Variants in NFIC observed in about 807,000 individuals in gnomAD.
The protein encoded by NFIC is nuclear factor I C, also known as nuclear factor 1 C-type.
A neutral mutation model predicts 54.4 loss-of-function variants in NFIC; 12 were observed. The ratio of observed to expected loss-of-function variants is 0.22; its 90% CI spans 0.14 to 0.36. The LOEUF (loss-of-function observed/expected upper bound fraction) is 0.36. Among genes scored for constraint, NFIC ranks in the 10% least tolerant of loss-of-function variants. The pLI is 1.00. For missense variants in NFIC, 575 were observed against 718.2 expected, an observed-to-expected ratio of 0.80 and a Z score of 2.28; for synonymous variants, 322 against 319.2, an observed-to-expected ratio of 1.01 and a Z score of -0.09.
Position 3,390,744 on chromosome 19 carries a change from C to T in NFIC, c.562+8501C>T, listed in dbSNP as rs566439828. Among the ~76,000 whole-genome samples the T allele has an allele frequency of 5.3e-4, 80 of 152,056 alleles. 1 individual carries two copies. In the South Asian group the frequency reaches 0.016, roughly 31 times the overall value. On this transcript the variant is annotated intron_variant, in intron 2 of 10. Transcript: ENST00000443272. ...ATGTGGATGCATCTTGAGGATGTCA[C>T]ACTCAGTAAAATAAGCCAGACACAG...
intron 6 of NFIC, among the ~76,000 whole-genome samples, chr19:3,444,549 G>GT (rs1309706973): frequency 1.8e-4 from 27 of 152,044 alleles, no homozygotes; most frequent in Non-Finnish European, 4.0e-4. Context: ...TGCCGGGAGC[G>GT]TGCCGGCTTA....
At position 3,394,087 on chromosome 19, in the gene NFIC, C is replaced by T. The variant is rs1345972563; in HGVS notation, c.562+11844C>T. Among the ~76,000 whole-genome samples, 6 of 151,716 alleles carry T rather than the reference C, an allele frequency of 4.0e-5. No homozygotes were observed. In the East Asian group the frequency reaches 1.0e-3, roughly 25 times the overall value. On this transcript the variant is annotated intron_variant, in intron 2 of 10. Coordinates refer to ENST00000443272, the MANE Select transcript of NFIC (RefSeq NM_001245002.2). ...CCTCCCGAGTAGCTGCCTCAGCTTC[C>T]CGAGTAGTAACATTAAAATGTTTAA...
chr19:3,372,965 T>C (rs1052364281), intron 1 of NFIC, among the ~76,000 whole-genome samples: 4 of 152,038 alleles, frequency 2.6e-5, no homozygotes, highest in Non-Finnish European at 1.5e-5. Flanking sequence ...CCGCCTCAGC[T>C]TCCCAAGTAG....
chr19:3,374,908 CTGTT>C (rs552981486), intron 1 of NFIC, among the ~76,000 whole-genome samples: 1 of 152,288 alleles, frequency 6.6e-6, no homozygotes, highest in African/African-American at 2.4e-5. Flanking sequence ...CAGTTACAAG[CTGTT>C]TGTCTTCCTG....
In NFIC at chr19:3,375,560, G is replaced by A. The variant is rs377287684; in HGVS notation, c.31-6152G>A. 4.6e-5 allele frequency among the ~76,000 whole-genome samples: 7 copies of A among 152,346 alleles called. 1 individual carries two copies. Among genetic ancestry groups the A allele is most frequent in the African/African-American group, 1.7e-4 (7 of 41,590 alleles). On this transcript the variant is annotated intron_variant, in intron 1 of 10. Transcript: ENST00000443272. This position sits in a 1 kb window ranked among gnomAD's most constrained non-coding sequence, Gnocchi z 4.6. ...TCCCCTTTGCCTTAGCAGGTTGGCT[G>A]GGGAAGCGGGGGCAGCGGAAAAGGG... is the stretch of plus-strand genomic sequence containing the variant.
chr19:3,405,580 TATTTA>T (rs1048756088), intron 2 of NFIC, among the ~76,000 whole-genome samples: 40 of 152,190 alleles, frequency 2.6e-4, no homozygotes, highest in African/African-American at 9.1e-4. Flanking sequence ...TTTCTATTTT[TATTTA>T]ATTTAATTTA....
Position 3,369,923 on chromosome 19 carries a change from A to G in NFIC, c.30+3257A>G, listed in dbSNP as rs545975476. Among the ~76,000 whole-genome samples, 32 of 152,148 alleles carry G rather than the reference A, an allele frequency of 2.1e-4. No individual in the cohort carries two copies. The highest frequency in any genetic ancestry group is 5.3e-4 in the African/African-American group (22 of 41,504). On this transcript the variant is annotated intron_variant, in intron 1 of 10. Coordinates refer to ENST00000443272, the MANE Select transcript of NFIC (RefSeq NM_001245002.2). This position sits in a 1 kb window ranked among gnomAD's most constrained non-coding sequence, Gnocchi z 4.3. ...TCGTCCCATGCCCTCTCGGAGCACA[A>G]TGTGCTTTGCTGCCATTTCTCCAGC...
chr19:3,390,875 G>A (rs2081367128), intron 2 of NFIC, among the ~76,000 whole-genome samples: 1 of 152,006 alleles, frequency 6.6e-6, no homozygotes, highest in South Asian at 2.1e-4. Context: ...GAGGGGGCTG[G>A]GGAGAGAATG....
chr19:3,429,911 C>T (rs951782035), intron 3 of NFIC, among the ~76,000 whole-genome samples: 2 of 152,192 alleles, frequency 1.3e-5, no homozygotes, highest in African/African-American at 4.8e-5. Flanking sequence ...AGCCAACAGT[C>T]ACGGGGCGGT....
rs566623409 is a variant in NFIC at position 3,467,788 on chromosome 19, T to TACATATATATATATATATATATATAA, written c.*5020_*5021insCATATATATATATATATATATATAAA. Reference sequence around the variant, plus strand: ...ATATATATATATATATATATATATATAATTTTGGAATTTGTTTCTCATAAT... The same window carrying TACATATATATATATATATATATATAA: ...ATATATATATATATATATATATATATACATATATATATATATATATATATAAAATTTTGGAATTTGTTTCTCATAAT... On this transcript the variant is annotated 3_prime_UTR_variant, in exon 11 of 11. Coordinates refer to ENST00000443272, the MANE Select transcript of NFIC (RefSeq NM_001245002.2). 10 of 136,798 alleles carry TACATATATATATATATATATATATAA rather than the reference T, an allele frequency of 7.3e-5. No homozygotes were observed. The South Asian group carries it at 1.8e-3, about 25-fold the overall frequency. The allele number at this position is 136,798 out of a possible 1,614,324, so 8.5% of individuals were successfully genotyped here.
At chr19:3,406,241 C>T (rs761035758) in intron 2 of NFIC, among the ~76,000 whole-genome samples, 3 of 152,094 alleles carry the variant, frequency 2.0e-5, no homozygotes, top group African/African-American at 2.4e-5. Flanking sequence ...TACAGGCACC[C>T]GCCACGATGC....
At chr19:3,398,550 A>C (rs2081501410) in intron 2 of NFIC, among the ~76,000 whole-genome samples, 1 of 151,758 alleles carries the variant, frequency 6.6e-6, no homozygotes, top group Non-Finnish European at 1.5e-5. Context: ...GGAAACCATC[A>C]CCTTCTTCTG....
At chr19:3,382,610 G>A (rs966678693) in intron 2 of NFIC, among the ~76,000 whole-genome samples, 1 of 152,010 alleles carries the variant, frequency 6.6e-6, no homozygotes, top group Non-Finnish European at 1.5e-5. Context: ...GTGACATGGT[G>A]CAAGGAGGGT....
chr19:3,460,505 T>G (rs7260520), intron 10 of NFIC, among the ~76,000 whole-genome samples: 2,604 of 149,052 alleles, frequency 0.017, 60 homozygotes, highest in African/African-American at 0.059. Context: ...TTTTTTTTTG[T>G]TTTTTTTTGG....
At position 3,466,905 on chromosome 19, in the gene NFIC, G is replaced by T. The variant is rs1450090060; in HGVS notation, c.*4136G>T. 6.6e-6 allele frequency: 1 copy of T among 152,104 alleles called. No individual in the cohort carries two copies. The highest frequency in any genetic ancestry group is 2.4e-5 in the African/African-American group (1 of 41,402). 9.4% of individuals were successfully genotyped at this position (152,104 alleles called of 1,614,324 possible). On this transcript the variant is annotated 3_prime_UTR_variant, in exon 11 of 11. Transcript: ENST00000443272. This position sits in a 1 kb window ranked among gnomAD's most constrained non-coding sequence, Gnocchi z 4.8. ...AGCCCATACCAGGCAGCATGTTGTG[G>T]ATGGTTTAGTTCTCCCCGCCTCCCT...
At chr19:3,371,988 C>CTCTCTCTCTCT (rs2081025576) in intron 1 of NFIC, among the ~76,000 whole-genome samples, 1 of 27,412 alleles carries the variant, frequency 3.6e-5, no homozygotes, top group Non-Finnish European at 6.4e-5. Context: ...TCTCTCTCTC[C>CTCTCTCTCTCT]CTCTCTCTCC....
intron 2 of NFIC, among the ~76,000 whole-genome samples, chr19:3,392,474 G>A (rs1014743975): frequency 2.6e-5 from 4 of 152,222 alleles, no homozygotes; most frequent in African/African-American, 4.8e-5. Context: ...CCCCGCAGAC[G>A]CCCCTACCCA....
upstream of NFIC, among the ~76,000 whole-genome samples, chr19:3,365,407 G>A (rs751840654): frequency 5.9e-5 from 9 of 152,304 alleles, no homozygotes; most frequent in Non-Finnish European, 8.8e-5. Flanking sequence ...CACTTTATAG[G>A]GGAGAACCCT....
intron 6 of NFIC, among the ~76,000 whole-genome samples, chr19:3,447,719 G>A (rs1430792281): frequency 6.6e-6 from 1 of 152,178 alleles, no homozygotes; most frequent in Non-Finnish European, 1.5e-5. Flanking sequence ...TTTATGAAAA[G>A]GGGTAGACGT....
Sources: gnomAD v4.1 joint callset for allele counts (sites outside exome capture counted in the v4.1 genomes callset) on GRCh38, gnomAD v4.1.1 for gene constraint, Gnocchi (gnomAD v3.1) non-coding constraint, MANE v1.5 for transcripts, NCBI Gene and HGNC (gene_info 2026-07-23, HGNC 2026-07-21) for gene names.